MS4A10: variants seen among roughly 807,000 people sequenced by gnomAD.
MS4A10 encodes the protein membrane spanning 4-domains A10.
A neutral mutation model predicts 27.7 loss-of-function variants in MS4A10; 27 were observed. That is an observed-to-expected ratio of 0.98 (90% CI 0.72 to 1.35). The LOEUF is 1.35. Ranked by LOEUF, MS4A10 falls within the 40% of genes most tolerant of loss-of-function variation. MS4A10 has a pLI of 0.00. For missense variants in MS4A10, 338 were observed against 324.7 expected (o/e 1.04, Z -0.32); for synonymous variants, 139 against 131.2 (o/e 1.06, Z -0.41).
At chr11:60,787,281 C>A (rs1854356399) in intron 1 of MS4A10, among the ~76,000 whole-genome samples, 1 of 152,190 alleles carries the variant, frequency 6.6e-6, no homozygotes, top group South Asian at 2.1e-4. Context: ...TGCCTGCCCC[C>A]TCTCTGTCAG....
At chr11:60,796,866 A>G (rs2134756672) in intron 6 of MS4A10, among the ~76,000 whole-genome samples, 1 of 152,058 alleles carries the variant, frequency 6.6e-6, no homozygotes, top group Middle Eastern at 3.4e-3. Flanking sequence ...AAAAATAAAG[A>G]CCCTGACCAG....
intron 6 of MS4A10, among the ~76,000 whole-genome samples, chr11:60,796,561 C>T (rs1854535774): frequency 6.6e-6 from 1 of 152,236 alleles, no homozygotes; most frequent in Non-Finnish European, 1.5e-5. Context: ...GCTGGGATTA[C>T]AGGCATCAGC....
At chr11:60,787,566 A>T (rs1854361008) in intron 1 of MS4A10, among the ~76,000 whole-genome samples, 1 of 152,150 alleles carries the variant, frequency 6.6e-6, no homozygotes, top group Admixed American at 6.5e-5. Flanking sequence ...CTCAATTCCC[A>T]TTCCCACTGT....
chr11:60,799,907 T>G lies in MS4A10; in HGVS notation c.802T>G (p.Ter268GlyextTer5). 6.2e-7 allele frequency: 1 copy of G among 1,614,176 alleles called. No homozygotes were observed. The change falls in exon 8 of 8, where the codon TGA (stop) becomes GGA (glycine). Residue 268 changes from the stop codon to glycine, a stop_lost. Coordinates refer to ENST00000308287, the MANE Select transcript of MS4A10 (RefSeq NM_206893.4). ...GAAIWTQTAN[*>G] is the part of the protein sequence containing the mutation. Reference sequence around the variant, plus strand: ...TGCGATCTGGACCCAGACTGCAAACTGAAGAGCCACTGCCTGACAATGCCC... The same window carrying G: ...TGCGATCTGGACCCAGACTGCAAACGGAAGAGCCACTGCCTGACAATGCCC...
chr11:60,795,763 C>A (rs950997227), intron 6 of MS4A10, 98 bp downstream of exon 6: 1 of 673,362 alleles, frequency 1.5e-6, no homozygotes, highest in Non-Finnish European at 2.2e-6. Flanking sequence ...ACAAGAGGAG[C>A]GTGTTTCATT....
intron 1 of MS4A10, 31 bp downstream of exon 1, chr11:60,785,452 G>A (rs1854320058): frequency 6.6e-6 from 1 of 152,456 alleles, no homozygotes; most frequent in Non-Finnish European, 1.5e-5. Context: ...AGGAACAGAG[G>A]GGAGTGATTT....
chr11:60,789,392 C>G (rs1324895197), intron 1 of MS4A10, among the ~76,000 whole-genome samples: 1 of 152,234 alleles, frequency 6.6e-6, no homozygotes, highest in East Asian at 1.9e-4. Flanking sequence ...AAGTCCCAGG[C>G]AGCCCCCAAG....
intron 4 of MS4A10, among the ~76,000 whole-genome samples, 161 bp from the exon 5 acceptor site, chr11:60,793,809 TGA>T (rs1210383935): frequency 2.0e-5 from 3 of 152,098 alleles, no homozygotes; most frequent in Non-Finnish European, 2.9e-5. Flanking sequence ...CAATCCTGTG[TGA>T]GGGGCTGAGG....
intron 1 of MS4A10, among the ~76,000 whole-genome samples, chr11:60,786,185 A>G (rs1321961237): frequency 6.9e-6 from 1 of 144,804 alleles, no homozygotes; most frequent in Non-Finnish European, 1.5e-5. Context: ...ACACACACAC[A>G]CACGCACACA....
At chr11:60,790,573 T>G in intron 2 of MS4A10, 55 bp downstream of exon 2, 3 of 1,593,518 alleles carry the variant, frequency 1.9e-6, no homozygotes, top group Non-Finnish European at 1.7e-6. Flanking sequence ...GAGGGGGATA[T>G]GAGGAGGATG....
chr11:60,791,120 G>A, intron 3 of MS4A10, 27 bp downstream of exon 3: 1 of 1,612,500 alleles, frequency 6.2e-7, no homozygotes, highest in Non-Finnish European at 8.5e-7. Context: ...ACACAGACCG[G>A]GTGTGGGAGT....
chr11:60,790,728 T>A (rs1413161415), intron 2 of MS4A10, among the ~76,000 whole-genome samples: 2 of 152,208 alleles, frequency 1.3e-5, no homozygotes, highest in Non-Finnish European at 2.9e-5. Flanking sequence ...CAGGGCCCTG[T>A]CCTGGGGAGA....
At chr11:60,799,038 G>A (rs940529992) in intron 7 of MS4A10, among the ~76,000 whole-genome samples, 3 of 152,214 alleles carry the variant, frequency 2.0e-5, no homozygotes, top group African/African-American at 4.8e-5. Context: ...GGGCAGCTGG[G>A]GAGTTGAGTC....
Position 60,797,839 on chromosome 11 carries a change from C to A in MS4A10, c.604-557C>A, listed in dbSNP as rs185439409. On this transcript the variant is annotated intron_variant, in intron 6 of 7. Coordinates refer to ENST00000308287, the MANE Select transcript of MS4A10 (RefSeq NM_206893.4). Reference sequence around the variant, plus strand: ...TCCATTTTAAAGAGGAAAAAATGAACCTTAGAAGAGTTACGTGACTTCCCA... The same window carrying A: ...TCCATTTTAAAGAGGAAAAAATGAAACTTAGAAGAGTTACGTGACTTCCCA... Among the ~76,000 whole-genome samples, 32 of 152,290 alleles carry A rather than the reference C, an allele frequency of 2.1e-4. No homozygotes were observed. In the East Asian group the frequency reaches 2.1e-3, roughly 10 times the overall value.
intron 4 of MS4A10, 91 bp from the exon 5 acceptor site, chr11:60,793,881 T>A (rs1236348816): frequency 3.5e-6 from 5 of 1,447,168 alleles, no homozygotes; most frequent in Non-Finnish European, 4.8e-6. Flanking sequence ...CTCCTGAGGC[T>A]ACAGAGGAAG....
intron 6 of MS4A10, among the ~76,000 whole-genome samples, chr11:60,795,907 C>T (rs1854522481): frequency 6.6e-6 from 1 of 152,106 alleles, no homozygotes; most frequent in South Asian, 2.1e-4. Context: ...TCCATGGGTG[C>T]CCAGAACAAG....
chr11:60,786,726 C>A (rs1391048488), intron 1 of MS4A10, among the ~76,000 whole-genome samples: 1 of 152,140 alleles, frequency 6.6e-6, no homozygotes, highest in Non-Finnish European at 1.5e-5. Context: ...CAAGGTGGAG[C>A]CTCACTGGTG....
intron 1 of MS4A10, among the ~76,000 whole-genome samples, chr11:60,787,625 G>A (rs1460056981): frequency 6.6e-6 from 1 of 152,088 alleles, no homozygotes; most frequent in Non-Finnish European, 1.5e-5. Flanking sequence ...AAAAACCAGA[G>A]CCCAGGACCA....
chr11:60,791,114 A>C, intron 3 of MS4A10, 21 bp downstream of exon 3: 1 of 1,613,014 alleles, frequency 6.2e-7, no homozygotes. Flanking sequence ...GGCAAAACAC[A>C]GACCGGGTGT....
Sources: gnomAD v4.1 joint callset for allele counts (sites outside exome capture counted in the v4.1 genomes callset) on GRCh38, gnomAD v4.1.1 for gene constraint, MANE v1.5 for transcripts, NCBI Gene and HGNC (gene_info 2026-07-23, HGNC 2026-07-21) for gene names.